The following RIMBP2 variants were observed in gnomAD, a reference collection of about 807,000 sequenced individuals.
RIMBP2 encodes the protein RIMS binding protein 2.
RIMBP2 carries 48 observed loss-of-function variants against 118.6 expected under a neutral mutation model. The observed-to-expected ratio is 0.40, with a 90% CI of 0.32 to 0.51. RIMBP2 has a LOEUF of 0.51. RIMBP2 is among the 20% of genes least tolerant of loss of function. The pLI, the probability that RIMBP2 is intolerant of heterozygous loss-of-function variation, is 0.41. For synonymous variants in RIMBP2, 762 were observed against 742.9 expected (o/e 1.03, Z -0.42); for missense variants, 1,551 against 1,768.3 (o/e 0.88, Z 2.20).
Position 130,408,002 on chromosome 12 carries a change from T to G in RIMBP2, c.3590-173A>C, listed in dbSNP as rs112338092. Among the ~76,000 whole-genome samples the G allele has an allele frequency of 1.7e-3, 262 of 152,298 alleles. 1 individual carries two copies. The highest frequency in any genetic ancestry group is 5.9e-3 in the African/African-American group (246 of 41,580). On this transcript the variant is annotated intron_variant, in intron 19 of 22. Transcript: ENST00000690449. ...AAACGTCTCTACTTTGGGTCAGTGG[T>G]CTGGGACTCCATATTCTTATATTTT...
At chr12:130,423,196 T>C (rs2076524143) in intron 16 of RIMBP2, among the ~76,000 whole-genome samples, 1 of 152,192 alleles carries the variant, frequency 6.6e-6, no homozygotes, top group Admixed American at 6.5e-5. Context: ...AGCAAAACCT[T>C]CTTCTTGCTA....
At chr12:130,489,358 G>C (rs60585636) in intron 4 of RIMBP2, among the ~76,000 whole-genome samples, 11,251 of 152,104 alleles carry the variant, frequency 0.074, 1,115 homozygotes, top group African/African-American at 0.23. Flanking sequence ...TCTCACCTTG[G>C]TGTGCCAATC....
At chr12:130,400,611 T>C (rs1374930283) in intron 21 of RIMBP2, among the ~76,000 whole-genome samples, 1 of 152,150 alleles carries the variant, frequency 6.6e-6, no homozygotes, top group Admixed American at 6.5e-5. Context: ...TGTTTCTCTG[T>C]TTATATGGTC....
In RIMBP2 at chr12:130,583,486, CTCATCACCA is replaced by C. The variant is rs1340635433; in HGVS notation, c.-217+44827_-217+44835del. ...ACCATTACATCACCATCACCATCAC[CTCATCACCA>C]TCATCACCATTACCACCATTACATC... On this transcript the variant is annotated intron_variant, in intron 2 of 22. Transcript: ENST00000690449. Among the ~76,000 whole-genome samples, 757 of 125,700 alleles carry C rather than the reference CTCATCACCA, an allele frequency of 6.0e-3. 2 individuals carry two copies. The highest frequency in any genetic ancestry group is 0.018 in the African/African-American group (703 of 38,484). The allele number at this position is 125,700 out of a possible 152,430, so 82.5% of individuals were successfully genotyped here. A position where few individuals can be genotyped will look rare whatever the true frequency, so the allele number is the denominator to read the frequency against.
At position 130,683,853 on chromosome 12, in the gene RIMBP2, C is replaced by A. The variant is rs2064918292; in HGVS notation, c.-352+32369G>T. Among the ~76,000 whole-genome samples the A allele has an allele frequency of 3.9e-5, 6 of 152,200 alleles. No homozygotes were observed. The South Asian group carries it at 1.2e-3, about 31-fold the overall frequency. ...AAGAAATAACCATAAAAATAGGCAA[C>A]CAGCAGCCCTCGGGGTTGTCCTGCC... is the stretch of plus-strand genomic sequence containing the variant. On this transcript the variant is annotated intron_variant, in intron 1 of 22. Transcript: ENST00000690449. This position sits in a 1 kb window ranked among gnomAD's most constrained non-coding sequence, Gnocchi z 4.4.
intron 4 of RIMBP2, among the ~76,000 whole-genome samples, chr12:130,502,642 C>T (rs1193632046): frequency 1.3e-5 from 2 of 152,170 alleles, no homozygotes; most frequent in East Asian, 1.9e-4. Context: ...ATTTCCTCCT[C>T]GTTTACCCAA....
chr12:130,706,845 C>T (rs1479562940), intron 1 of RIMBP2, among the ~76,000 whole-genome samples: 2 of 152,138 alleles, frequency 1.3e-5, no homozygotes, highest in African/African-American at 4.8e-5. Flanking sequence ...ATTCGGCAGC[C>T]GCCAGTGGTC....
At chr12:130,489,832 C>G (rs1372542895) in intron 4 of RIMBP2, among the ~76,000 whole-genome samples, 1 of 152,170 alleles carries the variant, frequency 6.6e-6, no homozygotes, top group Non-Finnish European at 1.5e-5. Flanking sequence ...ATTGATGACA[C>G]ATTTCTATCA....
chr12:130,436,725 C>G lies in RIMBP2; in HGVS notation c.2106+117G>C, dbSNP rs953557719. 2.4e-5 allele frequency: 19 copies of G among 806,810 alleles called. No individual in the cohort carries two copies. The African/African-American group carries it at 3.1e-4, about 13-fold the overall frequency. The allele number at this position is 806,810 out of a possible 1,614,324, so 50.0% of individuals were successfully genotyped here. On this transcript the variant is annotated intron_variant, in intron 13 of 22. Transcript: ENST00000690449. ...CAGCAAAGCGGTGGGCTGAGCGCGG[C>G]CCCCCTCCCTGCAAGCTGGGATGCG...
In RIMBP2 at chr12:130,434,158, C is replaced by T. The variant is rs969296548; in HGVS notation, c.2253+576G>A. 7.2e-5 allele frequency among the ~76,000 whole-genome samples: 11 copies of T among 152,168 alleles called. No individual in the cohort carries two copies. Among genetic ancestry groups the T allele is most frequent in the African/African-American group, 1.9e-4 (8 of 41,432 alleles). Reference sequence around the variant, plus strand: ...CACTATTTAGCATTCCCCAGGCCCTCGGTTATTTCCAGTCCCTCCTGTTGT... The same window carrying T: ...CACTATTTAGCATTCCCCAGGCCCTTGGTTATTTCCAGTCCCTCCTGTTGT... On this transcript the variant is annotated intron_variant, in intron 14 of 22. Coordinates refer to ENST00000690449, the MANE Select transcript of RIMBP2 (RefSeq NM_001393629.1). The surrounding 1 kb of genome is among the most constrained non-coding windows in gnomAD (Gnocchi z 5.7).
intron 11 of RIMBP2, among the ~76,000 whole-genome samples, chr12:130,441,428 T>TAAC (rs1305810338): frequency 1.4e-5 from 2 of 143,942 alleles, no homozygotes; most frequent in Non-Finnish European, 3.0e-5. Flanking sequence ...ATAATAATAA[T>TAAC]AATAATAATA....
intron 18 of RIMBP2, 34 bp downstream of exon 18, chr12:130,414,091 C>G (rs1162259280): frequency 6.2e-7 from 1 of 1,611,288 alleles, no homozygotes; most frequent in Non-Finnish European, 8.5e-7. Context: ...GCCTCAGGGG[C>G]TGATGAAGCC....
intron 1 of RIMBP2, among the ~76,000 whole-genome samples, chr12:130,686,887 G>C (rs2065074993): frequency 6.6e-6 from 1 of 152,232 alleles, no homozygotes; most frequent in Admixed American, 6.5e-5. Flanking sequence ...GAAGGCAGCG[G>C]GGAGAGAACA....
chr12:130,537,853 A>G (rs1261927534), intron 2 of RIMBP2, among the ~76,000 whole-genome samples: 1 of 152,230 alleles, frequency 6.6e-6, no homozygotes, highest in Non-Finnish European at 1.5e-5. Flanking sequence ...GCTCAGGTCT[A>G]AGCTCAGATC....
intron 13 of RIMBP2, 150 bp downstream of exon 13, chr12:130,436,690 CAG>C (rs2077540476): frequency 4.0e-6 from 2 of 497,724 alleles, no homozygotes; most frequent in Non-Finnish European, 6.5e-6. Flanking sequence ...AGGCACATGA[CAG>C]AGTCCACCAG....
intron 2 of RIMBP2, among the ~76,000 whole-genome samples, chr12:130,582,449 C>A (rs2058542352): frequency 6.6e-6 from 1 of 152,212 alleles, no homozygotes; most frequent in Non-Finnish European, 1.5e-5. Context: ...CCAGCCCATG[C>A]TCTTCCTGCC....
At position 130,456,720 on chromosome 12, in the gene RIMBP2, C is replaced by G; in HGVS notation, c.154-20G>C. On this transcript the variant is annotated intron_variant, in intron 6 of 22. Coordinates refer to ENST00000690449, the MANE Select transcript of RIMBP2 (RefSeq NM_001393629.1). Reference sequence around the variant, plus strand: ...CTTGGACTGCACGGCAGAAGCAGGACAGGGGGTCAGCGGTGGCATTTGGTG... The same window carrying G: ...CTTGGACTGCACGGCAGAAGCAGGAGAGGGGGTCAGCGGTGGCATTTGGTG... The G allele has an allele frequency of 6.3e-7, 1 of 1,580,096 alleles. No homozygotes were observed. Among genetic ancestry groups the G allele is most frequent in the Non-Finnish European group, 8.6e-7 (1 of 1,157,292 alleles).
intron 12 of RIMBP2, 23 bp downstream of exon 12, chr12:130,438,342 C>A (rs1566034548): frequency 5.7e-6 from 8 of 1,410,092 alleles, no homozygotes; most frequent in South Asian, 2.3e-5. Flanking sequence ...CAAACCCTCC[C>A]CACCCACCCA....
chr12:130,703,171 C>T lies in RIMBP2; in HGVS notation c.-352+13051G>A, dbSNP rs574135205. Among the ~76,000 whole-genome samples the T allele has an allele frequency of 1.0e-3, 155 of 152,182 alleles. No homozygotes were observed. Among genetic ancestry groups the T allele is most frequent in the African/African-American group, 3.6e-3 (151 of 41,532 alleles). On this transcript the variant is annotated intron_variant, in intron 1 of 22. Coordinates refer to ENST00000690449, the MANE Select transcript of RIMBP2 (RefSeq NM_001393629.1). The surrounding 1 kb of genome is among the most constrained non-coding windows in gnomAD (Gnocchi z 5.7). Reference sequence around the variant, plus strand: ...GATAATTGCAGTTGCCAAAGTGGTCCGGCCTCCTAGCATGGGGGCAGCCAA... The same window carrying T: ...GATAATTGCAGTTGCCAAAGTGGTCTGGCCTCCTAGCATGGGGGCAGCCAA...
Sources: allele counts gnomAD v4.1 joint callset (sites outside exome capture counted in the v4.1 genomes callset), GRCh38; gene constraint gnomAD v4.1.1; non-coding constraint Gnocchi (gnomAD v3.1); transcripts MANE v1.5; gene names NCBI Gene and HGNC (gene_info 2026-07-23, HGNC 2026-07-21).